ZNF248: variants seen among roughly 807,000 people sequenced by gnomAD.
The protein encoded by ZNF248 is KRAB protein domain.
In ZNF248, 20 loss-of-function variants were observed where a neutral mutation model predicts 44.3. The observed-to-expected ratio is 0.45, with a 90% CI of 0.32 to 0.66. The LOEUF (loss-of-function observed/expected upper bound fraction) is 0.66. Ranked by LOEUF, ZNF248 falls within the 30% of genes least tolerant of loss-of-function variation. The pLI is 0.04. For missense variants in ZNF248, 654 were observed against 677.0 expected (o/e 0.97, Z 0.38); for synonymous variants, 224 against 229.0 (o/e 0.98, Z 0.20).
intron 3 of ZNF248, among the ~76,000 whole-genome samples, chr10:37,852,372 AC>A (rs2060425596): frequency 6.6e-6 from 1 of 152,150 alleles, no homozygotes; most frequent in South Asian, 2.1e-4. Context: ...AAAAAAGCTA[AC>A]CCCAAGAGGT....
chr10:37,831,283 T>A lies in ZNF248; in HGVS notation c.*332A>T. On this transcript the variant is annotated 3_prime_UTR_variant, in exon 6 of 6. Transcript: ENST00000395867. Reference sequence around the variant, plus strand: ...TTCACATATATGTTTAATGCTGCTGTCATTCAACTTTTATAAGCTTCAGAT... The same window carrying A: ...TTCACATATATGTTTAATGCTGCTGACATTCAACTTTTATAAGCTTCAGAT... 6.5e-7 allele frequency: 1 copy of A among 1,549,700 alleles called. No individual in the cohort carries two copies.
Position 37,829,205 on chromosome 10 carries a change from T to C in ZNF248, c.*2410A>G. On this transcript the variant is annotated 3_prime_UTR_variant, in exon 6 of 6. Coordinates refer to ENST00000395867, the MANE Select transcript of ZNF248 (RefSeq NM_021045.3). ...ATGATGTCTCTTACAAGGTGGCCCCTCCTTCATGACAGCAGTTCTTACTGG... is the reference window on the plus strand; with the variant it reads ...ATGATGTCTCTTACAAGGTGGCCCCCCCTTCATGACAGCAGTTCTTACTGG... 1 of 985,454 alleles carries C rather than the reference T, an allele frequency of 1.0e-6. No homozygotes were observed. The highest frequency in any genetic ancestry group is 1.2e-6 in the Non-Finnish European group (1 of 829,952). 61.0% of individuals were successfully genotyped at this position (985,454 alleles called of 1,614,324 possible).
chr10:37,838,138 A>G, intron 3 of ZNF248, 27 bp from the exon 4 acceptor site: 1 of 1,598,372 alleles, frequency 6.3e-7, no homozygotes, highest in African/African-American at 1.3e-5. Flanking sequence ...TTTTTACATG[A>G]AATGGTCAGA....
chr10:37,810,315 A>G (rs1241537056), intron 6 of ZNF248, among the ~76,000 whole-genome samples: 3 of 152,158 alleles, frequency 2.0e-5, no homozygotes, highest in Admixed American at 1.3e-4. Flanking sequence ...TTTACCCTTT[A>G]GTTCTGTCAA....
At chr10:37,851,976 G>A (rs534151594) in intron 3 of ZNF248, among the ~76,000 whole-genome samples, 10 of 152,148 alleles carry the variant, frequency 6.6e-5, no homozygotes, top group South Asian at 4.2e-4. Context: ...AGCCGGGCGC[G>A]GTGGCTCACG....
chr10:37,801,987 T>G (rs1179314939), intron 6 of ZNF248, among the ~76,000 whole-genome samples: 1 of 152,178 alleles, frequency 6.6e-6, no homozygotes, highest in Non-Finnish European at 1.5e-5. Context: ...CAGAGGATTT[T>G]TGATGAGAAA....
At chr10:37,842,298 C>T (rs1011227557) in intron 3 of ZNF248, among the ~76,000 whole-genome samples, 23 of 152,040 alleles carry the variant, frequency 1.5e-4, no homozygotes, top group Admixed American at 8.5e-4. Context: ...GCTCAGGTCC[C>T]CTCAGAGACA....
intron 6 of ZNF248, among the ~76,000 whole-genome samples, chr10:37,784,719 TAC>T (rs1429757917): frequency 6.6e-6 from 1 of 152,162 alleles, no homozygotes; most frequent in African/African-American, 2.4e-5. Context: ...CACAGTGTAG[TAC>T]ACAGTGAGTT....
chr10:37,817,623 G>C (rs1227742459), intron 6 of ZNF248, among the ~76,000 whole-genome samples: 1 of 152,046 alleles, frequency 6.6e-6, no homozygotes, highest in African/African-American at 2.4e-5. Context: ...ACATTGCCAC[G>C]TACTTGCTAA....
downstream of ZNF248, among the ~76,000 whole-genome samples, chr10:37,823,817 A>G (rs1165843554): frequency 6.6e-6 from 1 of 151,972 alleles, no homozygotes; most frequent in Non-Finnish European, 1.5e-5. Context: ...AAGGTGATCC[A>G]CCCACCTCGG....
At chr10:37,773,945 C>T (rs530158842), downstream of ZNF248, among the ~76,000 whole-genome samples, 14 of 152,006 alleles carry the variant, frequency 9.2e-5, no homozygotes, top group East Asian at 2.1e-3. Flanking sequence ...ATTTTACATT[C>T]GACCAGCCCC....
chr10:37,826,485 T>C (rs1377813109), downstream of ZNF248, among the ~76,000 whole-genome samples: 1 of 152,208 alleles, frequency 6.6e-6, no homozygotes, highest in Non-Finnish European at 1.5e-5. Flanking sequence ...TGACTGTTCT[T>C]CTAAAGTTAT....
At chr10:37,850,042 G>C (rs2134675298) in intron 3 of ZNF248, among the ~76,000 whole-genome samples, 1 of 152,244 alleles carries the variant, frequency 6.6e-6, no homozygotes, top group East Asian at 1.9e-4. Flanking sequence ...CTGCACCCCA[G>C]CCTGGGTGAC....
At chr10:37,776,489 G>A (rs533331414), downstream of ZNF248, 3 of 398,154 alleles carry the variant, frequency 7.5e-6, no homozygotes, top group South Asian at 2.5e-4. Flanking sequence ...GGTTAGAGAA[G>A]CAATCTTCAA....
the ZNF248 span, among the ~76,000 whole-genome samples, chr10:37,759,548 G>A: frequency 6.6e-6 from 1 of 152,186 alleles, no homozygotes; most frequent in East Asian, 1.9e-4. Context: ...ACTCACCCTG[G>A]CAAAAGGCCT....
At chr10:37,769,891 A>C in the ZNF248 span, among the ~76,000 whole-genome samples, 3 of 152,194 alleles carry the variant, frequency 2.0e-5, no homozygotes, top group Admixed American at 6.5e-5. Flanking sequence ...CTCAGCCCAA[A>C]ATCTCCTTAA....
chr10:37,788,383 G>A (rs980907866), intron 6 of ZNF248, among the ~76,000 whole-genome samples: 9 of 152,118 alleles, frequency 5.9e-5, no homozygotes, highest in Non-Finnish European at 1.3e-4. Context: ...CACTTTGGGA[G>A]GCTGAGGCAG....
intron 6 of ZNF248, among the ~76,000 whole-genome samples, chr10:37,822,663 A>G (rs890222635): frequency 2.6e-5 from 4 of 151,828 alleles, no homozygotes; most frequent in Admixed American, 2.6e-4. Flanking sequence ...GGGGTGTCCA[A>G]TCTTTTGTCT....
chr10:37,789,982 C>A (rs1256339430), intron 6 of ZNF248, among the ~76,000 whole-genome samples: 1 of 152,086 alleles, frequency 6.6e-6, no homozygotes, highest in Non-Finnish European at 1.5e-5. Flanking sequence ...CTGCCTGGGG[C>A]CGGGCGCCAT....
Sources: allele counts gnomAD v4.1 joint callset (sites outside exome capture counted in the v4.1 genomes callset), GRCh38; gene constraint gnomAD v4.1.1; transcripts MANE v1.5; gene names NCBI Gene and HGNC (gene_info 2026-07-23, HGNC 2026-07-21).